Variants in ZC3H18 observed in about 807,000 individuals in gnomAD.
The protein encoded by ZC3H18 is zinc finger CCCH domain-containing protein 18.
Under a neutral mutation model 106.1 loss-of-function variants are expected in ZC3H18, and 8 were observed. The ratio of observed to expected loss-of-function variants is 0.08; its 90% CI spans 0.04 to 0.14. ZC3H18 has a LOEUF of 0.14. Ranked by LOEUF, ZC3H18 falls within the 10% of genes least tolerant of loss-of-function variation. The pLI, the probability that ZC3H18 is intolerant of heterozygous loss-of-function variation, is 1.00. For missense variants in ZC3H18, 1,318 were observed against 1,278.4 expected (o/e 1.03, Z -0.47); for synonymous variants, 635 against 522.1 (o/e 1.22, Z -2.95).
At chr16:88,615,985 G>A (rs1905576406) in intron 8 of ZC3H18, among the ~76,000 whole-genome samples, 1 of 152,198 alleles carries the variant, frequency 6.6e-6, no homozygotes, top group African/African-American at 2.4e-5. Context: ...GGAATGGGAG[G>A]GCAGATTCCC....
intron 3 of ZC3H18, among the ~76,000 whole-genome samples, chr16:88,594,810 A>C (rs1362846734): frequency 1.3e-5 from 2 of 152,180 alleles, no homozygotes; most frequent in Non-Finnish European, 2.9e-5. Context: ...AATATTTCAT[A>C]TATATAAAAT....
intron 1 of ZC3H18, among the ~76,000 whole-genome samples, chr16:88,576,428 G>A (rs576628439): frequency 2.0e-5 from 3 of 152,314 alleles, no homozygotes; most frequent in African/African-American, 7.2e-5. Context: ...TGTATGGGAA[G>A]AGGGGTTCTC....
chr16:88,613,267 C>T lies in ZC3H18; in HGVS notation c.1475+1731C>T, dbSNP rs111769906. 4.4e-3 allele frequency among the ~76,000 whole-genome samples: 674 copies of T among 152,304 alleles called. 7 individuals carry two copies. The highest frequency in any genetic ancestry group is 0.016 in the African/African-American group (656 of 41,554). On this transcript the variant is annotated intron_variant, in intron 8 of 17. Coordinates refer to ENST00000301011, the MANE Select transcript of ZC3H18 (RefSeq NM_144604.4). ...ATTTCTCTGTTCGTCTGTTGATGGA[C>T]GTTGGGTTGTTTCCAGCTTTTGGCT...
chr16:88,627,445 A>G lies in ZC3H18; in HGVS notation c.2109-177A>G. 1 of 763,234 alleles carries G rather than the reference A, an allele frequency of 1.3e-6. No individual in the cohort carries two copies. The highest frequency in any genetic ancestry group is 2.0e-6 in the Non-Finnish European group (1 of 500,800). The allele number at this position is 763,234 out of a possible 1,614,324, so 47.3% of individuals were successfully genotyped here. On this transcript the variant is annotated intron_variant, in intron 13 of 17. Coordinates refer to ENST00000301011, the MANE Select transcript of ZC3H18 (RefSeq NM_144604.4). This position sits in a 1 kb window ranked among gnomAD's most constrained non-coding sequence, Gnocchi z 4.5. ...AGTGAAATGGGGCCCTGGCCTAGCC[A>G]TGGGGACGTCCCTTACTTTGTAACC...
intron 8 of ZC3H18, 25 bp downstream of exon 8, chr16:88,611,561 G>C: frequency 6.5e-7 from 1 of 1,545,892 alleles, no homozygotes; most frequent in Non-Finnish European, 8.7e-7. Context: ...CTGAAGCCCA[G>C]GGGTGTGGGG....
chr16:88,623,843 G>C (rs920066171), intron 10 of ZC3H18, 115 bp from the exon 11 acceptor site: 9 of 1,460,434 alleles, frequency 6.2e-6, no homozygotes, highest in Non-Finnish European at 7.3e-6. Flanking sequence ...TAAAACTGAG[G>C]CACATAAATG....
chr16:88,619,251 G>A (rs1905809972), intron 8 of ZC3H18, among the ~76,000 whole-genome samples: 1 of 152,116 alleles, frequency 6.6e-6, no homozygotes, highest in African/African-American at 2.4e-5. Flanking sequence ...TCCAGCCTGG[G>A]CAACAGAGCG....
intron 2 of ZC3H18, among the ~76,000 whole-genome samples, chr16:88,579,883 GTGAC>G (rs1216734222): frequency 1.3e-5 from 2 of 152,212 alleles, no homozygotes. Flanking sequence ...CATGCTGAGT[GTGAC>G]TGGGCAGGGC....
At chr16:88,594,669 A>G (rs1311077403) in intron 3 of ZC3H18, among the ~76,000 whole-genome samples, 2 of 152,192 alleles carry the variant, frequency 1.3e-5, no homozygotes, top group Non-Finnish European at 2.9e-5. Flanking sequence ...TGATTGATGG[A>G]TGGAGCCCCA....
rs569692133 is a variant in ZC3H18 at position 88,577,190 on chromosome 16, C to G, written c.67C>G (p.Leu23Val). The change falls in exon 2 of 18, where the codon CTC (leucine) becomes GTC (valine). Residue 23 changes from leucine (L) to valine (V), a missense_variant. Around this residue, in one of 6 missense-constraint regions of ZC3H18, gnomAD observed 346 missense variants for 269.0 expected, o/e 1.29. Coordinates refer to ENST00000301011, the MANE Select transcript of ZC3H18 (RefSeq NM_144604.4). ...SPEDEEQPQG[L>V]SDDDILRDSG... is the part of the protein sequence containing the mutation. ...AGAGGATGAAGAGCAGCCACAGGGACTCTCGGACGATGACATTCTGAGGGA... is the reference window on the plus strand; with the variant it reads ...AGAGGATGAAGAGCAGCCACAGGGAGTCTCGGACGATGACATTCTGAGGGA... 1.1e-5 allele frequency: 17 copies of G among 1,610,240 alleles called. No individual in the cohort carries two copies. In the East Asian group the frequency reaches 3.8e-4, roughly 36 times the overall value.
intron 1 of ZC3H18, among the ~76,000 whole-genome samples, chr16:88,572,599 T>A (rs1237520272): frequency 6.6e-6 from 1 of 152,068 alleles, no homozygotes; most frequent in Non-Finnish European, 1.5e-5. Flanking sequence ...GATTTAGTTC[T>A]AAATTGTGCT....
chr16:88,598,476 T>A lies in ZC3H18; in HGVS notation c.838-144T>A. 4.8e-6 allele frequency: 7 copies of A among 1,461,234 alleles called. No individual in the cohort carries two copies. The South Asian group carries it at 7.7e-5, about 16-fold the overall frequency. The allele number at this position is 1,461,234 out of a possible 1,614,324, so 90.5% of individuals were successfully genotyped here. On this transcript the variant is annotated intron_variant, in intron 4 of 17. Coordinates refer to ENST00000301011, the MANE Select transcript of ZC3H18 (RefSeq NM_144604.4). ...GTCCCGAGTGGAAGCAGGCCTCGGCTTTCCGAGGACGGAGTGAGGCTTGGT... is the reference window on the plus strand; with the variant it reads ...GTCCCGAGTGGAAGCAGGCCTCGGCATTCCGAGGACGGAGTGAGGCTTGGT...
At chr16:88,614,341 A>G (rs112469627) in intron 8 of ZC3H18, among the ~76,000 whole-genome samples, 9 of 152,356 alleles carry the variant, frequency 5.9e-5, no homozygotes, top group African/African-American at 2.2e-4. Flanking sequence ...CCACGGGACA[A>G]AAACAAGCCC....
intron 6 of ZC3H18, among the ~76,000 whole-genome samples, chr16:88,606,635 T>A (rs1048054659): frequency 3.9e-5 from 6 of 152,240 alleles, no homozygotes; most frequent in Non-Finnish European, 8.8e-5. Context: ...GATGTGTTTT[T>A]TGTAGAGACG....
Position 88,611,467 on chromosome 16 carries a change from A to T in ZC3H18, c.1406A>T (p.Asp469Val), listed in dbSNP as rs575682364. 1 of 1,546,514 alleles carries T rather than the reference A, an allele frequency of 6.5e-7. No homozygotes were observed. The highest frequency in any genetic ancestry group is 2.4e-5 in the East Asian group (1 of 40,858). Reference protein sequence around the residue: ...KRDEKDRQHRDRDREKEREKE... With the variant: ...KRDEKDRQHRVRDREKEREKE... ...GACGAGAAGGACCGGCAGCACCGTGACCGCGACCGGGAGAAGGAGCGGGAG... is the reference window on the plus strand; with the variant it reads ...GACGAGAAGGACCGGCAGCACCGTGTCCGCGACCGGGAGAAGGAGCGGGAG... The change falls in exon 8 of 18, where the codon GAC becomes GTC. Residue 469 changes from aspartate (D) to valine (V), a missense_variant. Physicochemically the swap from Asp to Val is radical, Grantham distance 152. Transcript: ENST00000301011.
chr16:88,614,683 C>CT (rs1447062194), intron 8 of ZC3H18, among the ~76,000 whole-genome samples: 1 of 152,234 alleles, frequency 6.6e-6, no homozygotes, highest in African/African-American at 2.4e-5. Flanking sequence ...ACAGTAATCT[C>CT]TAAGTTATTT....
At chr16:88,622,129 C>A in intron 8 of ZC3H18, 68 bp from the exon 9 acceptor site, 1 of 1,513,934 alleles carries the variant, frequency 6.6e-7, no homozygotes, top group Non-Finnish European at 8.9e-7. Flanking sequence ...TCTCCCGCTG[C>A]TGTCACACCT....
At chr16:88,610,972 AT>A (rs531198615) in intron 7 of ZC3H18, among the ~76,000 whole-genome samples, 136 of 152,328 alleles carry the variant, frequency 8.9e-4, no homozygotes, top group Middle Eastern at 3.4e-3. Context: ...GTTTGCTCTA[AT>A]TTGGCATCTG....
chr16:88,589,044 G>C (rs189285057), intron 3 of ZC3H18, among the ~76,000 whole-genome samples: 220 of 152,302 alleles, frequency 1.4e-3, no homozygotes, highest in African/African-American at 4.9e-3. Context: ...CATGTCTTCT[G>C]CTGCTGCTTT....
Sources: gnomAD v4.1 joint callset for allele counts (sites outside exome capture counted in the v4.1 genomes callset) on GRCh38, gnomAD v4.1.1 for gene constraint, gnomAD v4.1.1 regional missense constraint, Gnocchi (gnomAD v3.1) non-coding constraint, MANE v1.5 for transcripts, NCBI Gene and HGNC (gene_info 2026-07-23, HGNC 2026-07-21) for gene names.